Variants in LRRC31 observed in about 807,000 individuals in gnomAD.
LRRC31 encodes the protein leucine-rich repeat-containing protein 31.
In LRRC31, 35 loss-of-function variants were observed where a neutral mutation model predicts 46.7. The ratio of observed to expected loss-of-function variants is 0.75; its 90% confidence interval spans 0.57 to 0.99. LRRC31 has a LOEUF of 0.99. Ranked by LOEUF, LRRC31 falls within the 50% of genes least tolerant of loss-of-function variation. The probability of loss-of-function intolerance (pLI) is 0.00; values close to 1 mark genes in which losing one functional copy is unlikely to be tolerated. For missense variants in LRRC31, 613 were observed against 626.1 expected, an observed-to-expected ratio of 0.98 and a Z score of 0.22; for synonymous variants, 236 against 235.1, an observed-to-expected ratio of 1.00 and a Z score of -0.03.
At chr3:169,848,939 T>C (rs2108205583) in intron 7 of LRRC31, among the ~76,000 whole-genome samples, 1 of 152,360 alleles carries the variant, frequency 6.6e-6, no homozygotes, top group Admixed American at 6.5e-5. Context: ...CATATTTCAC[T>C]GCACAGTCAC....
chr3:169,861,590 G>T, intron 2 of LRRC31, 80 bp downstream of exon 2: 1 of 1,443,278 alleles, frequency 6.9e-7, no homozygotes, highest in Non-Finnish European at 9.5e-7. Context: ...GTTACTAGGT[G>T]GGTAGCTGAG....
chr3:169,854,484 C>T (rs928988880), intron 6 of LRRC31, among the ~76,000 whole-genome samples: 2 of 152,140 alleles, frequency 1.3e-5, no homozygotes, highest in African/African-American at 4.8e-5. Flanking sequence ...TTTGTGTTGA[C>T]GTTTGGTTAC....
intron 8 of LRRC31, among the ~76,000 whole-genome samples, chr3:169,847,415 C>A (rs1292275181): frequency 6.6e-6 from 1 of 152,186 alleles, no homozygotes; most frequent in Non-Finnish European, 1.5e-5. Flanking sequence ...GAACTCCTGA[C>A]CTCAAGTGAT....
chr3:169,864,049 A>G (rs1247211044), intron 1 of LRRC31, among the ~76,000 whole-genome samples: 2 of 151,824 alleles, frequency 1.3e-5, no homozygotes, highest in Non-Finnish European at 2.9e-5. Context: ...ATTTTAAAAA[A>G]TTTCTCTGCA....
In LRRC31 at chr3:169,861,807, G is replaced by A; in HGVS notation, c.182C>T (p.Pro61Leu). Residue 61 changes from proline to leucine, a missense_variant, in exon 2 of 9, where the codon CCT (proline) becomes CTT (leucine). By Grantham distance (98) the Pro-to-Leu change is moderately conservative. Coordinates refer to ENST00000316428, the MANE Select transcript of LRRC31 (RefSeq NM_024727.4). ...TCTCCATTCCATTTCTGAACTGAGA[G>A]GCTTAGCTGTGTGATAAGCATAAAA... ...QKTATSETAK[P>L]LSSEMEWRSS... The A allele has an allele frequency of 2.5e-6, 4 of 1,613,224 alleles. No individual in the cohort carries two copies. The highest frequency in any genetic ancestry group is 3.4e-6 in the Non-Finnish European group (4 of 1,179,726).
chr3:169,861,454 A>G (rs1347654829), intron 2 of LRRC31, among the ~76,000 whole-genome samples: 1 of 150,170 alleles, frequency 6.7e-6, no homozygotes, highest in Non-Finnish European at 1.5e-5. Flanking sequence ...CGGGAGGCGG[A>G]GCTTACAGTG....
At chr3:169,857,318 C>CTATATATATATATATATATA (rs34162537) in intron 3 of LRRC31, among the ~76,000 whole-genome samples, 16 of 66,406 alleles carry the variant, frequency 2.4e-4, no homozygotes, top group South Asian at 1.0e-3. Flanking sequence ...TATCACATGC[C>CTATATATATATATATATATA]TATATATATA....
chr3:169,848,961 A>C (rs1163823104), intron 7 of LRRC31, among the ~76,000 whole-genome samples: 1 of 152,250 alleles, frequency 6.6e-6, no homozygotes, highest in Non-Finnish European at 1.5e-5. Flanking sequence ...GCTGAGATTC[A>C]GATGGGGGCA....
chr3:169,869,904 T>G lies in LRRC31; in HGVS notation c.-97A>C. 1 of 1,174,000 alleles carries G rather than the reference T, an allele frequency of 8.5e-7. No individual in the cohort carries two copies. The highest frequency in any genetic ancestry group is 1.2e-6 in the Non-Finnish European group (1 of 859,902). The allele number at this position is 1,174,000 out of a possible 1,614,324, so 72.7% of individuals were successfully genotyped here. A position where few individuals can be genotyped will look rare whatever the true frequency, so the allele number is the denominator to read the frequency against. ...AGAAAAGAAGATTCTGTCAAGCCTG[T>G]GTTCAATCAAAATATCCTCCCCTAC... On this transcript the variant is annotated 5_prime_UTR_variant, in exon 1 of 9. Transcript: ENST00000316428.
chr3:169,856,947 A>G, intron 3 of LRRC31, 75 bp from the exon 4 acceptor site: 1 of 1,417,946 alleles, frequency 7.1e-7, no homozygotes, highest in Non-Finnish European at 9.6e-7. Context: ...AATCAGCACA[A>G]CCATGATTAA....
chr3:169,861,738 T>A lies in LRRC31; in HGVS notation c.251A>T (p.Lys84Ile). Reference protein sequence around the residue: ...KNEHFLQKLGKKAVNKCLDLN... With the variant: ...KNEHFLQKLGIKAVNKCLDLN... Reference sequence around the variant, plus strand: ...ATCTAGACACTTGTTGACAGCCTTTTTGCCCAGCTTCTGCAGGAAATGCTC... The same window carrying A: ...ATCTAGACACTTGTTGACAGCCTTTATGCCCAGCTTCTGCAGGAAATGCTC... The change falls in exon 2 of 9, where the codon AAA (lysine) becomes ATA (isoleucine). Residue 84 changes from lysine to isoleucine, a missense_variant. Transcript: ENST00000316428. 1.2e-6 allele frequency: 2 copies of A among 1,614,228 alleles called. No homozygotes were observed. Among genetic ancestry groups the A allele is most frequent in the East Asian group, 2.2e-5 (1 of 44,890 alleles).
At chr3:169,853,106 A>G in intron 6 of LRRC31, 2 of 425,612 alleles carry the variant, frequency 4.7e-6, no homozygotes, top group Non-Finnish European at 6.3e-6. Context: ...TTCACCATGT[A>G]GTTTGGGTAT....
chr3:169,860,794 C>T, intron 2 of LRRC31, 66 bp from the exon 3 acceptor site: 1 of 1,466,526 alleles, frequency 6.8e-7, no homozygotes, highest in Non-Finnish European at 9.5e-7. Flanking sequence ...AAATAAAATG[C>T]AATGCTTACA....
intron 8 of LRRC31, among the ~76,000 whole-genome samples, chr3:169,845,262 T>C (rs2108201031): frequency 6.6e-6 from 1 of 152,314 alleles, no homozygotes; most frequent in East Asian, 1.9e-4. Flanking sequence ...GAATACTCAA[T>C]ATTGTTAAGA....
At chr3:169,848,379 T>C (rs1351051585) in intron 7 of LRRC31, 92 bp from the exon 8 acceptor site, 5 of 1,128,162 alleles carry the variant, frequency 4.4e-6, no homozygotes, top group Non-Finnish European at 6.3e-6. Flanking sequence ...GGACAACACA[T>C]GAATATAACT....
chr3:169,853,301 A>G, intron 6 of LRRC31: 1 of 985,226 alleles, frequency 1.0e-6, no homozygotes, highest in Non-Finnish European at 1.2e-6. Context: ...ATTATTTAAC[A>G]GCGTAAAGTA....
intron 3 of LRRC31, among the ~76,000 whole-genome samples, chr3:169,857,587 C>A (rs1781006771): frequency 1.3e-5 from 2 of 151,498 alleles, no homozygotes; most frequent in Non-Finnish European, 2.9e-5. Context: ...CCATTACACA[C>A]TGGAAAGCTC....
intron 6 of LRRC31, among the ~76,000 whole-genome samples, chr3:169,854,044 G>T (rs1208594701): frequency 1.3e-5 from 2 of 152,240 alleles, no homozygotes; most frequent in African/African-American, 4.8e-5. Context: ...CTGAGAATCA[G>T]CAAGGGCAGT....
chr3:169,853,619 T>C, intron 6 of LRRC31: 10 of 985,888 alleles, frequency 1.0e-5, no homozygotes, highest in Non-Finnish European at 1.2e-5. Flanking sequence ...GTAAAGGGGA[T>C]GGTAGGAACC....
Sources: gnomAD v4.1 joint callset for allele counts (sites outside exome capture counted in the v4.1 genomes callset) on GRCh38, gnomAD v4.1.1 for gene constraint, MANE v1.5 for transcripts, NCBI Gene and HGNC (gene_info 2026-07-23, HGNC 2026-07-21) for gene names.